The following ZFHX3 variants were observed in gnomAD, a reference collection of about 807,000 sequenced individuals.
ZFHX3 encodes zinc finger homeobox 3.
A neutral mutation model predicts 279.1 loss-of-function variants in ZFHX3; 42 were observed. That is an observed-to-expected ratio of 0.15 (90% CI 0.12 to 0.19). ZFHX3 has a LOEUF of 0.19. ZFHX3 is among the 10% of genes least tolerant of loss of function. ZFHX3 has a pLI of 1.00. For missense variants in ZFHX3, 4,981 were observed against 4,754.0 expected (o/e 1.05, Z -1.40); for synonymous variants, 2,293 against 1,957.8 (o/e 1.17, Z -4.52).
chr16:73,491,987 A>G (rs2019063721), intron 2 of ZFHX3, among the ~76,000 whole-genome samples: 1 of 152,156 alleles, frequency 6.6e-6, no homozygotes, highest in African/African-American at 2.4e-5. Context: ...CAACAGCCAG[A>G]AGCAATTGCT....
chr16:72,960,999 C>G (rs1041896255), intron 1 of ZFHX3, among the ~76,000 whole-genome samples: 4 of 151,874 alleles, frequency 2.6e-5, no homozygotes, highest in Non-Finnish European at 5.9e-5. Flanking sequence ...CCATACCAGT[C>G]AAGCTCCCTG....
At chr16:73,656,882 T>C (rs2052726745) in intron 2 of ZFHX3, among the ~76,000 whole-genome samples, 1 of 152,186 alleles carries the variant, frequency 6.6e-6, no homozygotes, top group Admixed American at 6.5e-5. Flanking sequence ...CAAAGAAAAT[T>C]GTTTGCCAAG....
intron 2 of ZFHX3, among the ~76,000 whole-genome samples, chr16:73,484,837 G>C (rs556650740): frequency 1.3e-5 from 2 of 152,182 alleles, no homozygotes; most frequent in East Asian, 3.9e-4. Flanking sequence ...TGCATGGTTC[G>C]CATTTTATTT....
intron 4 of ZFHX3, among the ~76,000 whole-genome samples, chr16:72,855,810 A>C (rs1327210721): frequency 6.6e-6 from 1 of 152,208 alleles, no homozygotes; most frequent in Non-Finnish European, 1.5e-5. Flanking sequence ...GAAATCAGAA[A>C]GGCAACTGCA....
At chr16:73,491,517 A>T (rs555436741) in intron 2 of ZFHX3, among the ~76,000 whole-genome samples, 1 of 152,340 alleles carries the variant, frequency 6.6e-6, no homozygotes, top group South Asian at 2.1e-4. Context: ...GTGCTAAACC[A>T]TTCAGAAATC....
At chr16:73,176,472 A>T (rs929341939) in intron 5 of ZFHX3, among the ~76,000 whole-genome samples, 20 of 152,182 alleles carry the variant, frequency 1.3e-4, no homozygotes, top group African/African-American at 4.6e-4. Flanking sequence ...GCTGAGTAAC[A>T]TGAGCTAAGG....
rs776636593 is a variant in ZFHX3, at chr16:72,925,309, C to T, written c.3216+25160G>A. 3.2e-4 allele frequency among the ~76,000 whole-genome samples: 48 copies of T among 152,206 alleles called. 1 individual carries two copies. The highest frequency in any genetic ancestry group is 5.6e-4 in the Non-Finnish European group (38 of 68,042). Reference sequence around the variant, plus strand: ...ATGCAGCTGTAGAGTGAGTCAACTGCGCTTTTACCCTGTCAACGGTTCCAT... The same window carrying T: ...ATGCAGCTGTAGAGTGAGTCAACTGTGCTTTTACCCTGTCAACGGTTCCAT... On this transcript the variant is annotated intron_variant, in intron 3 of 9. Transcript: ENST00000268489.
At chr16:73,433,698 G>A (rs573618870) in intron 3 of ZFHX3, among the ~76,000 whole-genome samples, 60 of 152,286 alleles carry the variant, frequency 3.9e-4, no homozygotes, top group African/African-American at 1.4e-3. Context: ...TTAACTCTCT[G>A]GGGTTACGAG....
intron 2 of ZFHX3, among the ~76,000 whole-genome samples, chr16:73,638,870 T>C (rs2052550237): frequency 6.6e-6 from 1 of 152,196 alleles, no homozygotes; most frequent in African/African-American, 2.4e-5. Context: ...AACACTAGTC[T>C]AAAAATGAAG....
rs573792550 is a variant in ZFHX3 at position 72,916,575 on chromosome 16, A to C, written c.3217-26613T>G. Among the ~76,000 whole-genome samples, 5 of 152,362 alleles carry C rather than the reference A, an allele frequency of 3.3e-5. No individual in the cohort carries two copies. The East Asian group carries it at 9.6e-4, about 29-fold the overall frequency. On this transcript the variant is annotated intron_variant, in intron 3 of 9. Transcript: ENST00000268489. ...TGTAAATCATTTGTACGAATTGACT[A>C]ACGAGGATTATTATATTTTAATACC...
intron 5 of ZFHX3, among the ~76,000 whole-genome samples, chr16:73,170,333 C>T (rs1192644318): frequency 1.4e-5 from 2 of 142,952 alleles, no homozygotes; most frequent in Admixed American, 7.5e-5. Context: ...CGGGTTCAAA[C>T]GATTCTCATG....
At chr16:73,711,521 C>A in intron 1 of ZFHX3, among the ~76,000 whole-genome samples, 1 of 152,100 alleles carries the variant, frequency 6.6e-6, no homozygotes, top group Non-Finnish European at 1.5e-5. Flanking sequence ...GCAGTTGACT[C>A]CATATGTTGG....
intron 1 of ZFHX3, among the ~76,000 whole-genome samples, chr16:73,706,507 A>G (rs2142221805): frequency 6.6e-6 from 1 of 151,786 alleles, no homozygotes; most frequent in South Asian, 2.1e-4. Flanking sequence ...TTCTGGAATC[A>G]TCTTTCATCC....
chr16:72,860,047 G>A (rs537090198), intron 4 of ZFHX3, among the ~76,000 whole-genome samples: 1 of 152,336 alleles, frequency 6.6e-6, no homozygotes, highest in South Asian at 2.1e-4. Context: ...CATGGTGGAC[G>A]TTTGCAGCTC....
intron 3 of ZFHX3, among the ~76,000 whole-genome samples, chr16:73,371,760 C>T (rs12325578): frequency 0.022 from 3,389 of 152,304 alleles, 105 homozygotes; most frequent in African/African-American, 0.077. Context: ...TACCTCGCTC[C>T]ACTTCCTGGT....
intron 4 of ZFHX3, among the ~76,000 whole-genome samples, chr16:73,300,015 T>C (rs531202327): frequency 6.6e-6 from 1 of 152,300 alleles, no homozygotes; most frequent in Admixed American, 6.5e-5. Context: ...TTGGCTTTTT[T>C]CAGTTAACAA....
intron 1 of ZFHX3, among the ~76,000 whole-genome samples, chr16:73,854,310 G>C (rs1961663068): frequency 6.6e-6 from 1 of 152,176 alleles, no homozygotes; most frequent in Admixed American, 6.5e-5. Flanking sequence ...TGGATCACCT[G>C]AGGTCAGGAG....
intron 1 of ZFHX3, among the ~76,000 whole-genome samples, chr16:73,750,941 C>T (rs1423627917): frequency 6.6e-6 from 1 of 152,182 alleles, no homozygotes; most frequent in Non-Finnish European, 1.5e-5. Flanking sequence ...TAACCATCTA[C>T]TGAGCATAAA....
In ZFHX3 at chr16:73,569,445, C is replaced by T. The variant is rs76477551; in HGVS notation, c.-1547+110735G>A. ...ACTCCGAAAGAGATACCGATGTTCCCATTAACATAAATGCTGAAATCAGCA... is the reference window on the plus strand; with the variant it reads ...ACTCCGAAAGAGATACCGATGTTCCTATTAACATAAATGCTGAAATCAGCA... On this transcript the variant is annotated intron_variant, in intron 2 of 17. Coordinates refer to the ZFHX3 transcript ENST00000641206. Among the ~76,000 whole-genome samples, 697 of 151,718 alleles carry T rather than the reference C, an allele frequency of 4.6e-3. 15 individuals are homozygous for T. The East Asian group carries it at 0.059, about 13-fold the overall frequency.
Sources: allele counts gnomAD v4.1 joint callset (sites outside exome capture counted in the v4.1 genomes callset), GRCh38; gene constraint gnomAD v4.1.1; transcripts MANE v1.5; gene names NCBI Gene and HGNC (gene_info 2026-07-23, HGNC 2026-07-21).